Variants in NCKAP1 observed in about 807,000 individuals in gnomAD.
NCKAP1 encodes the protein nck-associated protein 1.
A neutral mutation model predicts 151.2 loss-of-function variants in NCKAP1; 21 were observed. That is an observed-to-expected ratio of 0.14 (90% CI 0.10 to 0.20). The LOEUF is 0.20. Ranked by LOEUF, NCKAP1 falls within the 10% of genes least tolerant of loss-of-function variation. NCKAP1 has a pLI of 1.00. For missense variants in NCKAP1, 933 were observed against 1,352.1 expected, an observed-to-expected ratio of 0.69 and a Z score of 4.86; for synonymous variants, 484 against 451.8, an observed-to-expected ratio of 1.07 and a Z score of -0.90.
At chr2:182,957,189 A>T in intron 19 of NCKAP1, 1 of 283,318 alleles carries the variant, frequency 3.5e-6, no homozygotes, top group Non-Finnish European at 6.4e-6. Context: ...AACACACAAA[A>T]TTTTTTAAAC....
At chr2:183,024,007 T>C in intron 1 of NCKAP1, 91 bp from the exon 2 acceptor site, 1 of 1,032,134 alleles carries the variant, frequency 9.7e-7, no homozygotes, top group Non-Finnish European at 1.5e-6. Context: ...AAAGAGATAT[T>C]TATTGTTTTT....
Position 182,928,108 on chromosome 2 carries a change from T to C in NCKAP1, c.3180+9A>G. ...AATGTGATGAGTTTTGTTATTTGAT[T>C]ATACATACCGCCAGAAATTCTTTAA... On this transcript the variant is annotated intron_variant, in intron 29 of 30. Transcript: ENST00000361354. The C allele has an allele frequency of 6.4e-7, 1 of 1,561,854 alleles. No homozygotes were observed. The highest frequency in any genetic ancestry group is 8.8e-7 in the Non-Finnish European group (1 of 1,138,726).
chr2:183,024,531 G>A (rs1329550275), intron 1 of NCKAP1, among the ~76,000 whole-genome samples: 1 of 152,278 alleles, frequency 6.6e-6, no homozygotes, highest in East Asian at 1.9e-4. Context: ...CATAAGCACA[G>A]AACAAATGGA....
At chr2:182,968,366 T>A (rs1697619242) in intron 15 of NCKAP1, among the ~76,000 whole-genome samples, 1 of 152,128 alleles carries the variant, frequency 6.6e-6, no homozygotes. Context: ...GAAACAGAAT[T>A]ATAGATGATG....
intron 16 of NCKAP1, among the ~76,000 whole-genome samples, chr2:182,966,306 G>A (rs570083298): frequency 6.6e-6 from 1 of 152,036 alleles, no homozygotes; most frequent in South Asian, 2.1e-4. Flanking sequence ...ATTTATTTAT[G>A]AGACAGTCTC....
intron 1 of NCKAP1, among the ~76,000 whole-genome samples, chr2:183,035,282 T>C (rs1318983821): frequency 6.7e-6 from 1 of 148,842 alleles, no homozygotes; most frequent in African/African-American, 2.6e-5. Flanking sequence ...ACTGATGAAA[T>C]TAAAAAAAAA....
chr2:182,927,307 C>T (rs753405749), intron 29 of NCKAP1: 4 of 153,222 alleles, frequency 2.6e-5, no homozygotes, highest in African/African-American at 9.7e-5. Context: ...AGACATTAAA[C>T]CCTGAGTGAA....
At chr2:182,941,531 G>A (rs1696994607) in intron 24 of NCKAP1, among the ~76,000 whole-genome samples, 1 of 152,222 alleles carries the variant, frequency 6.6e-6, no homozygotes, top group South Asian at 2.1e-4. Context: ...ATCAGTGGTT[G>A]TTTGGCCTGG....
chr2:182,962,942 A>T (rs13029393), intron 17 of NCKAP1, among the ~76,000 whole-genome samples: 164 of 152,178 alleles, frequency 1.1e-3, no homozygotes, highest in Non-Finnish European at 9.3e-4. Flanking sequence ...TGTTGAGTAT[A>T]AAACACTGTA....
In NCKAP1 at chr2:182,981,366, C is replaced by G. The variant is rs1697934745; in HGVS notation, c.1219G>C (p.Glu407Gln). The change falls in exon 13 of 31, where the codon GAA (glutamate) becomes CAA (glutamine). Residue 407 changes from glutamate to glutamine, a missense_variant. Glu to Gln is a conservative substitution (Grantham distance 29, BLOSUM62 2). Coordinates refer to ENST00000361354, the MANE Select transcript of NCKAP1 (RefSeq NM_013436.5). ...ADDFIDKHIA[E>Q]LIFYMEELRA... ...AGTTCTTCCATGTAAAATATTAATT[C>G]AGCAATGTGCCTTTTTTAAAATTTC... 6.2e-7 allele frequency: 1 copy of G among 1,608,578 alleles called. No homozygotes were observed. The highest frequency in any genetic ancestry group is 8.5e-7 in the Non-Finnish European group (1 of 1,176,710).
chr2:182,961,528 A>G (rs1697451876), intron 18 of NCKAP1, among the ~76,000 whole-genome samples: 1 of 152,154 alleles, frequency 6.6e-6, no homozygotes, highest in African/African-American at 2.4e-5. Flanking sequence ...GAATTGAACA[A>G]TGAGAACACA....
At chr2:182,996,048 G>A (rs190041734) in intron 6 of NCKAP1, among the ~76,000 whole-genome samples, 8 of 152,234 alleles carry the variant, frequency 5.3e-5, no homozygotes, top group Non-Finnish European at 8.8e-5. Flanking sequence ...CAGATTCTGC[G>A]TTTTTGAGCA....
Position 182,912,046 on chromosome 2 carries a change from T to C in NCKAP1, c.*13656A>G, listed in dbSNP as rs1696403941. 1.3e-5 allele frequency: 2 copies of C among 152,184 alleles called. No homozygotes were observed. The highest frequency in any genetic ancestry group is 2.9e-5 in the Non-Finnish European group (2 of 68,028). The allele number at this position is 152,184 out of a possible 1,614,324, so 9.4% of individuals were successfully genotyped here. A position where few individuals can be genotyped will look rare whatever the true frequency, so the allele number is the denominator to read the frequency against. ...TGAAAGCTTATGTCCAGCTGAGTAG[T>C]TATATCAATCACATCATGAAAAATT... is the stretch of plus-strand genomic sequence containing the variant. On this transcript the variant is annotated 3_prime_UTR_variant, in exon 31 of 31. Coordinates refer to ENST00000361354, the MANE Select transcript of NCKAP1 (RefSeq NM_013436.5).
At chr2:183,023,465 A>G (rs1367640229) in intron 2 of NCKAP1, among the ~76,000 whole-genome samples, 1 of 152,174 alleles carries the variant, frequency 6.6e-6, no homozygotes, top group Non-Finnish European at 1.5e-5. Flanking sequence ...ACTAACTTCA[A>G]CAGGAAGTTT....
At chr2:183,008,069 C>T (rs113454476) in intron 2 of NCKAP1, among the ~76,000 whole-genome samples, 1 of 151,946 alleles carries the variant, frequency 6.6e-6, no homozygotes, top group Non-Finnish European at 1.5e-5. Context: ...TGGGATTATA[C>T]GCATGCGCCA....
rs1285664506 is a variant in NCKAP1, at chr2:182,961,340, C to T, written c.1881+819G>A. On this transcript the variant is annotated intron_variant, in intron 18 of 30. Transcript: ENST00000361354. ...AAGACTTGGAACCAACCCAAAGGTC[C>T]AACAATGATAGACTGGATTAAGAAA... is the stretch of plus-strand genomic sequence containing the variant. 4.6e-5 allele frequency among the ~76,000 whole-genome samples: 7 copies of T among 152,150 alleles called. No individual in the cohort carries two copies. The East Asian group carries it at 9.6e-4, about 21-fold the overall frequency.
chr2:182,940,935 A>G (rs1441847542), intron 24 of NCKAP1, among the ~76,000 whole-genome samples: 2 of 152,352 alleles, frequency 1.3e-5, no homozygotes, highest in East Asian at 1.9e-4. Flanking sequence ...TTTTTATTCA[A>G]TAAGAATTAA....
rs1178716796 is a variant in NCKAP1 at position 182,922,969 on chromosome 2, A to T, written c.*2733T>A. On this transcript the variant is annotated 3_prime_UTR_variant, in exon 31 of 31. Transcript: ENST00000361354. ...GCGGAGGTTACAGTGAGCCGAGATCAGGCCATTGCCCATTTCCTGGGCAAC... is the reference window on the plus strand; with the variant it reads ...GCGGAGGTTACAGTGAGCCGAGATCTGGCCATTGCCCATTTCCTGGGCAAC... 1.3e-5 allele frequency: 2 copies of T among 152,278 alleles called. No homozygotes were observed. Among genetic ancestry groups the T allele is most frequent in the African/African-American group, 4.8e-5 (2 of 41,466 alleles). 9.4% of individuals were successfully genotyped at this position (152,278 alleles called of 1,614,324 possible).
chr2:182,949,358 C>G (rs1697168975), intron 23 of NCKAP1, among the ~76,000 whole-genome samples: 1 of 152,184 alleles, frequency 6.6e-6, no homozygotes, highest in African/African-American at 2.4e-5. Flanking sequence ...AGTTTCACCA[C>G]TGACTAAAAT....
Sources: allele counts gnomAD v4.1 joint callset (sites outside exome capture counted in the v4.1 genomes callset), GRCh38; gene constraint gnomAD v4.1.1; transcripts MANE v1.5; gene names NCBI Gene and HGNC (gene_info 2026-07-23, HGNC 2026-07-21).